The following EBF4 variants were observed in gnomAD, a reference collection of about 807,000 sequenced individuals.
EBF4 encodes the protein EBF transcription factor 4.
A neutral mutation model predicts 67.1 loss-of-function variants in EBF4; 34 were observed. The ratio of observed to expected loss-of-function variants is 0.51; its 90% confidence interval spans 0.39 to 0.67. The LOEUF is 0.67. Ranked by LOEUF, EBF4 falls within the 30% of genes least tolerant of loss-of-function variation. The pLI, the probability that EBF4 is intolerant of heterozygous loss-of-function variation, is 0.00. For missense variants in EBF4, 837 were observed against 873.3 expected, an observed-to-expected ratio of 0.96 and a Z score of 0.52; for synonymous variants, 387 against 377.7, an observed-to-expected ratio of 1.02 and a Z score of -0.29.
At chr20:2,710,889 C>G (rs948714777) in intron 6 of EBF4, among the ~76,000 whole-genome samples, 5 of 152,120 alleles carry the variant, frequency 3.3e-5, no homozygotes, top group African/African-American at 1.2e-4. Flanking sequence ...TGCCTGTAAT[C>G]CCAACACTTT....
intron 6 of EBF4, among the ~76,000 whole-genome samples, chr20:2,722,373 T>C (rs1347118773): frequency 6.6e-6 from 1 of 152,206 alleles, no homozygotes; most frequent in Non-Finnish European, 1.5e-5. Context: ...TTCATCCTTA[T>C]GTGAGCACCA....
chr20:2,751,781 T>C lies in EBF4; in HGVS notation c.1100T>C (p.Leu367Pro). 2.3e-6 allele frequency: 2 copies of C among 873,260 alleles called. No homozygotes were observed. The highest frequency in any genetic ancestry group is 3.5e-6 in the Non-Finnish European group (2 of 574,456). The allele number at this position is 873,260 out of a possible 1,614,324, so 54.1% of individuals were successfully genotyped here. A position where few individuals can be genotyped will look rare whatever the true frequency, so the allele number is the denominator to read the frequency against. ...AGACACCCCGGAGACCCCGAGAGGC[T>C]GCCCAAGGTACTCAGAGGGGCGGGG... The change falls in exon 11 of 17, where the codon CTG (leucine) becomes CCG (proline). Residue 367 changes from leucine (L) to proline (P), a missense_variant. Coordinates refer to ENST00000609451, the Ensembl canonical transcript of EBF4. The surrounding 1 kb of genome is among the most constrained non-coding windows in gnomAD (Gnocchi z 5.2).
chr20:2,759,433 C>T, downstream of EBF4: 1 of 215,512 alleles, frequency 4.6e-6, no homozygotes, highest in Non-Finnish European at 9.4e-6. Flanking sequence ...TCCCCGCTAG[C>T]AGCCCCACAG....
At position 2,755,959 on chromosome 20, in the gene EBF4, G is replaced by A; in HGVS notation, c.1738+135G>A. Reference sequence around the variant, plus strand: ...ACCTGCTCTTCTTGGAGGACGGAGAGCAGGGAGCTCTGCTGGGGTCCAGGG... The same window carrying A: ...ACCTGCTCTTCTTGGAGGACGGAGAACAGGGAGCTCTGCTGGGGTCCAGGG... On this transcript the variant is annotated intron_variant, in intron 15 of 16. Transcript: ENST00000609451. This position sits in a 1 kb window ranked among gnomAD's most constrained non-coding sequence, Gnocchi z 4.7. 1.0e-6 allele frequency: 1 copy of A among 965,156 alleles called. No homozygotes were observed. Among genetic ancestry groups the A allele is most frequent in the East Asian group, 2.6e-5 (1 of 37,744 alleles). The allele number at this position is 965,156 out of a possible 1,614,324, so 59.8% of individuals were successfully genotyped here. A position where few individuals can be genotyped will look rare whatever the true frequency, so the allele number is the denominator to read the frequency against.
At position 2,751,667 on chromosome 20, in the gene EBF4, G is replaced by A. The variant is rs796849410; in HGVS notation, c.1019-33G>A. On this transcript the variant is annotated intron_variant, in intron 10 of 16. Coordinates refer to ENST00000609451, the Ensembl canonical transcript of EBF4. This position sits in a 1 kb window ranked among gnomAD's most constrained non-coding sequence, Gnocchi z 5.2. Reference sequence around the variant, plus strand: ...ACCCTGGGAGTGGGGGGCTGCGGGGGAGACGTCCTCCAAACGCCGCCCCCT... The same window carrying A: ...ACCCTGGGAGTGGGGGGCTGCGGGGAAGACGTCCTCCAAACGCCGCCCCCT... 26 of 1,547,794 alleles carry A rather than the reference G, an allele frequency of 1.7e-5. No individual in the cohort carries two copies. Among genetic ancestry groups the A allele is most frequent in the African/African-American group, 4.1e-5 (3 of 73,098 alleles).
chr20:2,731,712 G>T (rs553265082), intron 6 of EBF4, among the ~76,000 whole-genome samples: 1 of 152,288 alleles, frequency 6.6e-6, no homozygotes, highest in East Asian at 1.9e-4. Context: ...TCTGTCCGTG[G>T]GTACCAGATG....
At chr20:2,708,158 A>G (rs1489756921) in intron 5 of EBF4, 138 bp downstream of exon 5, 2 of 897,190 alleles carry the variant, frequency 2.2e-6, no homozygotes, top group African/African-American at 1.7e-5. Flanking sequence ...GTGGCAGGTG[A>G]TGAAGGGAGT....
chr20:2,738,222 T>G (rs749956620), intron 6 of EBF4, among the ~76,000 whole-genome samples: 1 of 152,148 alleles, frequency 6.6e-6, no homozygotes, highest in Non-Finnish European at 1.5e-5. Flanking sequence ...GTCTCTGGTC[T>G]TAGAGCCTGG....
intron 1 of EBF4, among the ~76,000 whole-genome samples, chr20:2,700,872 G>A (rs905463443): frequency 3.3e-5 from 5 of 152,152 alleles, no homozygotes; most frequent in African/African-American, 4.8e-5. Context: ...TGTTGCTCTC[G>A]AGTCCTATTC....
chr20:2,748,220 AG>A (rs1158118513), intron 6 of EBF4, among the ~76,000 whole-genome samples: 1 of 152,180 alleles, frequency 6.6e-6, no homozygotes, highest in Non-Finnish European at 1.5e-5. Context: ...TAATAAGTAT[AG>A]GTAGTGTATA....
At chr20:2,701,741 G>A (rs148100310) in intron 1 of EBF4, among the ~76,000 whole-genome samples, 1 of 152,326 alleles carries the variant, frequency 6.6e-6, no homozygotes, top group African/African-American at 2.4e-5. Flanking sequence ...GAGCCTTCCA[G>A]GCCCCTTCGC....
rs1380162092 is a variant in EBF4 at position 2,758,972 on chromosome 20, A to G, written c.1802A>G (p.Tyr601Cys). ...GCCCGGGGGCTTCAGGGCCTGGCAT[A>G]CTCCTAATTACGGTAGGTCTCTGGC... The change falls in exon 16 of 17, where the codon TAC becomes TGC. Residue 601 changes from tyrosine to cysteine, a missense_variant. Coordinates refer to ENST00000609451, the Ensembl canonical transcript of EBF4. 6 of 1,551,410 alleles carry G rather than the reference A, an allele frequency of 3.9e-6. No homozygotes were observed. The highest frequency in any genetic ancestry group is 5.2e-6 in the Non-Finnish European group (6 of 1,146,944).
chr20:2,749,721 G>A, exon 9 of EBF4: 1 of 1,551,662 alleles, frequency 6.4e-7, no homozygotes, highest in Non-Finnish European at 8.7e-7. Flanking sequence ...CGGGTTGCAG[G>A]TCGTGTTCGG....
intron 6 of EBF4, among the ~76,000 whole-genome samples, chr20:2,720,496 C>T (rs1348249017): frequency 3.9e-5 from 6 of 151,930 alleles, no homozygotes; most frequent in African/African-American, 1.5e-4. Context: ...GTGTTGGCTT[C>T]TTAGCAAAAC....
At chr20:2,744,083 TA>T (rs150492588) in intron 6 of EBF4, among the ~76,000 whole-genome samples, 21,341 of 125,764 alleles carry the variant, frequency 0.17, 1,660 homozygotes, top group East Asian at 0.24. Flanking sequence ...TTATTTTTTT[TA>T]TTTTTTTTTT....
At chr20:2,752,184 C>G (rs552138509) in exon 13 of EBF4, 1 of 1,431,950 alleles carries the variant, frequency 7.0e-7, no homozygotes, top group Admixed American at 2.5e-5. Context: ...GCCACCCACA[C>G]CCCGCCGTCG....
intron 6 of EBF4, among the ~76,000 whole-genome samples, chr20:2,716,312 A>G (rs1199505950): frequency 6.6e-6 from 1 of 150,656 alleles, no homozygotes; most frequent in Non-Finnish European, 1.5e-5. Flanking sequence ...AGATCACCGG[A>G]GGTCGGGAGT....
rs1200177633 is a variant in EBF4, at chr20:2,739,869, A to T, written c.558-8680A>T. Reference sequence around the variant, plus strand: ...CAATTTAATCTACCCTTCACTCTTAACCTGCTGTCTTTCCCAAGGCCTTCA... The same window carrying T: ...CAATTTAATCTACCCTTCACTCTTATCCTGCTGTCTTTCCCAAGGCCTTCA... On this transcript the variant is annotated intron_variant, in intron 6 of 16. Coordinates refer to ENST00000609451, the Ensembl canonical transcript of EBF4. This position sits in a 1 kb window ranked among gnomAD's most constrained non-coding sequence, Gnocchi z 4.5. 6.6e-6 allele frequency among the ~76,000 whole-genome samples: 1 copy of T among 152,100 alleles called. No individual in the cohort carries two copies. Among genetic ancestry groups the T allele is most frequent in the Non-Finnish European group, 1.5e-5 (1 of 68,016 alleles).
At chr20:2,712,762 G>A (rs2087560353) in intron 6 of EBF4, among the ~76,000 whole-genome samples, 1 of 152,166 alleles carries the variant, frequency 6.6e-6, no homozygotes, top group Non-Finnish European at 1.5e-5. Context: ...ACCAGCAAAG[G>A]AGAATGAGAA....
Sources: allele counts gnomAD v4.1 joint callset (sites outside exome capture counted in the v4.1 genomes callset), GRCh38; gene constraint gnomAD v4.1.1; non-coding constraint Gnocchi (gnomAD v3.1); transcripts MANE v1.5; gene names NCBI Gene and HGNC (gene_info 2026-07-23, HGNC 2026-07-21).